FRMD4B: variants seen among roughly 807,000 people sequenced by gnomAD.
The protein encoded by FRMD4B is FERM domain containing 4B.
A neutral mutation model predicts 141.5 loss-of-function variants in FRMD4B; 74 were observed. The ratio of observed to expected loss-of-function variants is 0.52; its 90% CI spans 0.43 to 0.63. The LOEUF is 0.63. Ranked by LOEUF, FRMD4B falls within the 30% of genes least tolerant of loss-of-function variation. FRMD4B has a pLI of 0.00. For synonymous variants in FRMD4B, 506 were observed against 467.9 expected, an observed-to-expected ratio of 1.08 and a Z score of -1.05; for missense variants, 1,366 against 1,253.4, an observed-to-expected ratio of 1.09 and a Z score of -1.36.
At chr3:69,356,960 T>G (rs1186100370) in intron 1 of FRMD4B, among the ~76,000 whole-genome samples, 2 of 152,212 alleles carry the variant, frequency 1.3e-5, no homozygotes, top group African/African-American at 4.8e-5. Context: ...AAACAAAACT[T>G]TATTTGCAAA....
At position 69,531,528 on chromosome 3, in the gene FRMD4B, G is replaced by C. The variant is rs138627692; in HGVS notation, c.-129+10678C>G. On this transcript the variant is annotated intron_variant, in intron 1 of 5. Coordinates refer to the FRMD4B transcript ENST00000459638. ...AAGTGAAACAAATCACTTATTCCTT[G>C]ACAACACTATGTAAATGAAACTGTA... is the stretch of plus-strand genomic sequence containing the variant. Among the ~76,000 whole-genome samples, 321 of 152,288 alleles carry C rather than the reference G, an allele frequency of 2.1e-3. 1 individual carries two copies. The highest frequency in any genetic ancestry group is 3.7e-3 in the Non-Finnish European group (249 of 68,028).
At chr3:69,456,684 A>G (rs2106908597) in intron 1 of FRMD4B, among the ~76,000 whole-genome samples, 1 of 152,034 alleles carries the variant, frequency 6.6e-6, no homozygotes, top group South Asian at 2.1e-4. Flanking sequence ...GACACTAATG[A>G]ATATTTAAAT....
intron 1 of FRMD4B, among the ~76,000 whole-genome samples, chr3:69,315,172 C>T (rs901047567): frequency 6.6e-6 from 1 of 152,120 alleles, no homozygotes; most frequent in Non-Finnish European, 1.5e-5. Context: ...CATACATTTT[C>T]AATTATATTT....
At chr3:69,324,866 G>C (rs555469767) in intron 1 of FRMD4B, among the ~76,000 whole-genome samples, 2 of 151,862 alleles carry the variant, frequency 1.3e-5, no homozygotes, top group South Asian at 2.1e-4. Context: ...GCTGAGGCGG[G>C]GGGGGATTGC....
intron 1 of FRMD4B, among the ~76,000 whole-genome samples, chr3:69,523,654 G>T (rs146813082): frequency 6.6e-4 from 100 of 152,242 alleles, no homozygotes; most frequent in African/African-American, 2.4e-3. Context: ...GCCATATTTA[G>T]CAGTGTGAGA....
intron 9 of FRMD4B, among the ~76,000 whole-genome samples, chr3:69,219,016 T>A (rs887756911): frequency 6.6e-6 from 1 of 151,802 alleles, no homozygotes; most frequent in African/African-American, 2.4e-5. Flanking sequence ...TACAAAAAAA[T>A]TAGCTGGGTG....
rs531625377 is a variant in FRMD4B, at chr3:69,535,482, T to A, written c.-129+6724A>T. On this transcript the variant is annotated intron_variant, in intron 1 of 5. Coordinates refer to the FRMD4B transcript ENST00000459638. ...TCGTTACCATTAGTTCTACTATTAT[T>A]TGTTGAGCCTTTACATCTGCACAAG... Among the ~76,000 whole-genome samples the A allele has an allele frequency of 4.7e-4, 71 of 152,336 alleles. 1 individual carries two copies. In the South Asian group the frequency reaches 0.014, roughly 30 times the overall value.
At chr3:69,189,245 A>AG (rs1488064335) in intron 18 of FRMD4B, among the ~76,000 whole-genome samples, 4 of 148,958 alleles carry the variant, frequency 2.7e-5, no homozygotes, top group East Asian at 2.0e-4. Flanking sequence ...AAAAAAAAAA[A>AG]AGAGAGAGAG....
At chr3:69,471,194 T>C (rs1213062882) in intron 1 of FRMD4B, among the ~76,000 whole-genome samples, 1 of 152,204 alleles carries the variant, frequency 6.6e-6, no homozygotes, top group East Asian at 1.9e-4. Context: ...ATTCCTTAGA[T>C]AATATCTTTG....
chr3:69,282,913 A>C (rs11716219), intron 5 of FRMD4B, among the ~76,000 whole-genome samples: 31,167 of 152,062 alleles, frequency 0.2, 3,498 homozygotes, highest in Non-Finnish European at 0.25. Flanking sequence ...TTGGGATTAC[A>C]GGTGTGAGCT....
intron 1 of FRMD4B, among the ~76,000 whole-genome samples, chr3:69,470,734 T>C (rs190229487): frequency 6.6e-6 from 1 of 152,290 alleles, no homozygotes; most frequent in East Asian, 1.9e-4. Context: ...GAGAACTACA[T>C]TCCTAGGGCA....
At chr3:69,283,419 GCAA>G (rs1181858272) in intron 5 of FRMD4B, among the ~76,000 whole-genome samples, 16 of 24,714 alleles carry the variant, frequency 6.5e-4, no homozygotes, top group African/African-American at 1.5e-3. Flanking sequence ...AAACAAAAAA[GCAA>G]CAACAACAAA....
intron 1 of FRMD4B, among the ~76,000 whole-genome samples, chr3:69,485,417 A>C (rs934093680): frequency 6.6e-6 from 1 of 152,130 alleles, no homozygotes; most frequent in Non-Finnish European, 1.5e-5. Flanking sequence ...TACTTTGTGA[A>C]GCAGGAGGCC....
chr3:69,189,501 C>T (rs2092812821), intron 18 of FRMD4B, among the ~76,000 whole-genome samples: 1 of 151,950 alleles, frequency 6.6e-6, no homozygotes, highest in African/African-American at 2.4e-5. Context: ...TATTGGACTC[C>T]AGATATATAA....
intron 1 of FRMD4B, among the ~76,000 whole-genome samples, chr3:69,363,142 C>A (rs191825967): frequency 6.6e-6 from 1 of 151,834 alleles, no homozygotes; most frequent in African/African-American, 2.4e-5. Context: ...TTTTTCCACC[C>A]GGCCCATTCT....
chr3:69,292,687 A>G (rs757026415), intron 4 of FRMD4B, among the ~76,000 whole-genome samples: 2 of 152,108 alleles, frequency 1.3e-5, no homozygotes, highest in Non-Finnish European at 2.9e-5. Flanking sequence ...AAAAATACAT[A>G]TGGGCTTTGG....
intron 1 of FRMD4B, among the ~76,000 whole-genome samples, chr3:69,375,045 CA>C (rs1284189333): frequency 6.7e-6 from 1 of 149,226 alleles, no homozygotes; most frequent in East Asian, 2.0e-4. Flanking sequence ...CCCACCCACC[CA>C]CTTACCCATC....
At chr3:69,470,527 T>C (rs771472900) in intron 1 of FRMD4B, among the ~76,000 whole-genome samples, 5 of 152,174 alleles carry the variant, frequency 3.3e-5, no homozygotes, top group Non-Finnish European at 7.4e-5. Context: ...GAGGGTTTTA[T>C]TTAGAAAGAA....
At chr3:69,287,711 C>G (rs1700737255) in intron 5 of FRMD4B, 41 bp downstream of exon 5, 1 of 1,000,414 alleles carries the variant, frequency 1.0e-6, no homozygotes, top group Admixed American at 1.8e-5. Context: ...ATCCCAGTCG[C>G]TCTGGAGGCA....
Sources: allele counts gnomAD v4.1 joint callset (sites outside exome capture counted in the v4.1 genomes callset), GRCh38; gene constraint gnomAD v4.1.1; transcripts MANE v1.5; gene names NCBI Gene and HGNC (gene_info 2026-07-23, HGNC 2026-07-21).